The following FRAS1 variants were observed in gnomAD, a reference collection of about 807,000 sequenced individuals.
FRAS1 encodes the protein extracellular matrix organizing protein FRAS1.
A neutral mutation model predicts 435.2 loss-of-function variants in FRAS1; 290 were observed. That is an observed-to-expected ratio of 0.67 (90% CI 0.61 to 0.73). FRAS1 has a LOEUF of 0.73. Ranked by LOEUF, FRAS1 falls within the 30% of genes least tolerant of loss-of-function variation. FRAS1 has a pLI of 0.00. For missense variants in FRAS1, 4,860 were observed against 5,001.5 expected (o/e 0.97, Z 0.85); for synonymous variants, 1,800 against 1,851.0 (o/e 0.97, Z 0.71).
At chr4:78,385,554 C>T (rs13114483) in intron 28 of FRAS1, among the ~76,000 whole-genome samples, 21,194 of 152,062 alleles carry the variant, frequency 0.14, 1,857 homozygotes, top group African/African-American at 0.25. Context: ...TTAATTTGAT[C>T]TCATGGGTGG....
At chr4:78,222,425 T>A (rs1039874144) in intron 2 of FRAS1, among the ~76,000 whole-genome samples, 1 of 152,154 alleles carries the variant, frequency 6.6e-6, no homozygotes, top group African/African-American at 2.4e-5. Context: ...TAACCACTAG[T>A]CGGGCTTTGC....
intron 2 of FRAS1, among the ~76,000 whole-genome samples, chr4:78,184,066 G>A (rs773861087): frequency 6.6e-5 from 10 of 152,078 alleles, no homozygotes; most frequent in African/African-American, 9.7e-5. Flanking sequence ...CAGAATCTAC[G>A]TCCCGTATGA....
At chr4:78,312,670 T>TAA (rs999875110) in intron 15 of FRAS1, among the ~76,000 whole-genome samples, 1 of 143,064 alleles carries the variant, frequency 7.0e-6, no homozygotes. Context: ...CTACTAAAAA[T>TAA]AAAAAAAAAA....
At position 78,114,178 on chromosome 4, in the gene FRAS1, A is replaced by G. The variant is rs1011574090; in HGVS notation, c.108+48162A>G. 4.6e-5 allele frequency among the ~76,000 whole-genome samples: 7 copies of G among 152,126 alleles called. No individual in the cohort carries two copies. The East Asian group carries it at 5.8e-4, about 13-fold the overall frequency. On this transcript the variant is annotated intron_variant, in intron 2 of 73. Coordinates refer to ENST00000512123, the MANE Select transcript of FRAS1 (RefSeq NM_025074.7). ...ACTTCTGAGGGCTCTGTTCTGTTCC[A>G]TTGGTCTATATATCTGTTTGGGTAC...
At chr4:78,084,564 C>T (rs1741053984) in intron 2 of FRAS1, among the ~76,000 whole-genome samples, 1 of 152,090 alleles carries the variant, frequency 6.6e-6, no homozygotes, top group African/African-American at 2.4e-5. Flanking sequence ...TTCTTTGCTG[C>T]TCAGTTTGTC....
At chr4:78,422,063 C>T (rs778591991) in intron 34 of FRAS1, 63 bp downstream of exon 34, 89 of 1,516,796 alleles carry the variant, frequency 5.9e-5, no homozygotes, top group Non-Finnish European at 7.1e-5. Context: ...ATGACAGGCT[C>T]GCCCTAACTC....
intron 2 of FRAS1, among the ~76,000 whole-genome samples, chr4:78,141,507 A>G (rs1235635673): frequency 6.6e-6 from 1 of 152,206 alleles, no homozygotes; most frequent in Non-Finnish European, 1.5e-5. Flanking sequence ...TTCTGCTTAA[A>G]GGCATAAGAA....
intron 1 of FRAS1, among the ~76,000 whole-genome samples, chr4:78,060,530 C>T (rs1432855402): frequency 6.6e-6 from 1 of 152,128 alleles, no homozygotes; most frequent in African/African-American, 2.4e-5. Context: ...GTTAGGATGG[C>T]TCCTATTAAT....
chr4:78,298,003 CCT>C (rs765903880), intron 14 of FRAS1, among the ~76,000 whole-genome samples: 3,704 of 119,124 alleles, frequency 0.031, 131 homozygotes, highest in African/African-American at 0.089. Context: ...TTAATTTGTT[CCT>C]CTCTCTCTCT....
chr4:78,211,062 T>C (rs1723483074), intron 2 of FRAS1, among the ~76,000 whole-genome samples: 9 of 152,232 alleles, frequency 5.9e-5, no homozygotes, highest in Admixed American at 5.2e-4. Flanking sequence ...GCAGTGTGGA[T>C]ATCTAAGTGC....
At chr4:78,421,078 G>A (rs1414938801) in intron 33 of FRAS1, among the ~76,000 whole-genome samples, 1 of 151,846 alleles carries the variant, frequency 6.6e-6, no homozygotes, top group South Asian at 2.1e-4. Flanking sequence ...CAGCACAGGA[G>A]AAAGATGTAG....
At chr4:78,495,219 T>A (rs1720477935) in intron 59 of FRAS1, among the ~76,000 whole-genome samples, 1 of 152,180 alleles carries the variant, frequency 6.6e-6, no homozygotes, top group Non-Finnish European at 1.5e-5. Flanking sequence ...TATTAATTCC[T>A]TGCCAGTTTT....
At chr4:78,164,838 C>T (rs895391809) in intron 2 of FRAS1, among the ~76,000 whole-genome samples, 3 of 152,284 alleles carry the variant, frequency 2.0e-5, no homozygotes, top group Non-Finnish European at 2.9e-5. Context: ...AAAGTTCTTT[C>T]TCAAAACTTC....
Position 78,372,742 on chromosome 4 carries a change from G to A in FRAS1, c.2894G>A (p.Cys965Tyr), listed in dbSNP as rs1325190118. Residue 965 changes from cysteine (C) to tyrosine (Y), a missense_variant, in exon 24 of 74, where the codon TGC (cysteine) becomes TAC (tyrosine). Transcript: ENST00000512123. ...CKECDWSCSA[C>Y]SGPLKTDCLQ... Reference sequence around the variant, plus strand: ...GAGTGTGATTGGAGCTGCAGTGCATGCAGTGGGCCCCTGAAAACAGACTGC... The same window carrying A: ...GAGTGTGATTGGAGCTGCAGTGCATACAGTGGGCCCCTGAAAACAGACTGC... The A allele has an allele frequency of 1.9e-6, 3 of 1,612,874 alleles. No individual in the cohort carries two copies. Among genetic ancestry groups the A allele is most frequent in the Non-Finnish European group, 2.5e-6 (3 of 1,179,778 alleles).
intron 54 of FRAS1, among the ~76,000 whole-genome samples, chr4:78,476,093 G>A (rs1223551102): frequency 6.6e-6 from 1 of 152,202 alleles, no homozygotes; most frequent in African/African-American, 2.4e-5. Flanking sequence ...TTTGGCAGTG[G>A]ATTGATTAGA....
chr4:78,316,251 A>C (rs1729240542), intron 16 of FRAS1, among the ~76,000 whole-genome samples: 2 of 152,142 alleles, frequency 1.3e-5, no homozygotes, highest in Admixed American at 6.5e-5. Flanking sequence ...TACCCATTTG[A>C]GACTTTATAA....
intron 63 of FRAS1, 48 bp downstream of exon 63, chr4:78,509,054 G>A: frequency 1.3e-6 from 2 of 1,586,938 alleles, no homozygotes; most frequent in African/African-American, 2.7e-5. Flanking sequence ...GGAGAGAACT[G>A]GTGTTGTTCT....
chr4:78,181,770 C>A, intron 2 of FRAS1: 1 of 1,610,856 alleles, frequency 6.2e-7, no homozygotes, highest in South Asian at 1.1e-5. Flanking sequence ...TGCGTCTCCT[C>A]TTTCTTGTCA....
In FRAS1 at chr4:78,537,028, C is replaced by G. The variant is rs1202677339; in HGVS notation, c.11126C>G (p.Pro3709Arg). 3.7e-6 allele frequency: 6 copies of G among 1,613,776 alleles called. No individual in the cohort carries two copies. The highest frequency in any genetic ancestry group is 5.1e-6 in the Non-Finnish European group (6 of 1,179,872). The part of the protein sequence containing the change: ...QILYGRVLWN[P>R]EQNLNSAYKL... Reference sequence around the variant, plus strand: ...CTTTATGGCCGAGTACTTTGGAATCCAGAACAAAATCTTAATTCTGCTTAC... The same window carrying G: ...CTTTATGGCCGAGTACTTTGGAATCGAGAACAAAATCTTAATTCTGCTTAC... Residue 3709 changes from proline to arginine, a missense_variant, in exon 72 of 74, where the codon CCA (proline) becomes CGA (arginine). Coordinates refer to ENST00000512123, the MANE Select transcript of FRAS1 (RefSeq NM_025074.7).
Sources: allele counts gnomAD v4.1 joint callset (sites outside exome capture counted in the v4.1 genomes callset), GRCh38; gene constraint gnomAD v4.1.1; transcripts MANE v1.5; gene names NCBI Gene and HGNC (gene_info 2026-07-23, HGNC 2026-07-21).